MAD1L1: variants seen among roughly 807,000 people sequenced by gnomAD.
The protein encoded by MAD1L1 is mitotic arrest deficient 1 like 1, also known as mitotic spindle assembly checkpoint protein MAD1.
In MAD1L1, 95 loss-of-function variants were observed where a neutral mutation model predicts 96.9. That is an observed-to-expected ratio of 0.98 (90% CI 0.83 to 1.16). MAD1L1 has a LOEUF of 1.16. Ranked by LOEUF, MAD1L1 falls within the 50% of genes most tolerant of loss-of-function variation. MAD1L1 has a pLI of 0.00. For missense variants in MAD1L1, 1,007 were observed against 954.4 expected, an observed-to-expected ratio of 1.06 and a Z score of -0.73; for synonymous variants, 473 against 396.6, an observed-to-expected ratio of 1.19 and a Z score of -2.29.
intron 11 of MAD1L1, among the ~76,000 whole-genome samples, chr7:2,071,272 C>T (rs934408238): frequency 1.3e-5 from 2 of 152,170 alleles, no homozygotes; most frequent in Non-Finnish European, 2.9e-5. Flanking sequence ...ACTCACAGAA[C>T]GTCAGAAGGG....
intron 15 of MAD1L1, among the ~76,000 whole-genome samples, 190 bp downstream of exon 15, chr7:1,980,263 C>A (rs983533293): frequency 6.6e-6 from 1 of 152,206 alleles, no homozygotes; most frequent in Admixed American, 6.5e-5. Context: ...CACCTCCCCC[C>A]ACCCCACAGG....
intron 18 of MAD1L1, among the ~76,000 whole-genome samples, chr7:1,861,171 G>A (rs1434459600): frequency 6.6e-6 from 1 of 152,082 alleles, no homozygotes; most frequent in Non-Finnish European, 1.5e-5. Context: ...GGAGGCTGGT[G>A]ACCCCCCGGG....
rs531951043 is a variant in MAD1L1 at position 1,816,360 on chromosome 7, C to A, written c.1999-132G>T. On this transcript the variant is annotated intron_variant, in intron 18 of 18. Coordinates refer to ENST00000265854, the MANE Select transcript of MAD1L1 (RefSeq NM_001013836.2). ...CTGAGGACCTGGACAGGGGTAGATG[C>A]GTCCTCAACCCTGCCAGGCCTTATT... 183 of 794,214 alleles carry A rather than the reference C, an allele frequency of 2.3e-4. 2 individuals are homozygous for A. In the East Asian group the frequency reaches 4.7e-3, roughly 20 times the overall value. 49.2% of individuals were successfully genotyped at this position (794,214 alleles called of 1,614,324 possible).
intron 18 of MAD1L1, among the ~76,000 whole-genome samples, chr7:1,834,536 C>A (rs1016127274): frequency 6.6e-6 from 1 of 152,044 alleles, no homozygotes; most frequent in African/African-American, 2.4e-5. Flanking sequence ...ATAAAATGGA[C>A]AAACTTCTGA....
At chr7:2,085,093 G>C (rs73032323) in intron 11 of MAD1L1, among the ~76,000 whole-genome samples, 4,108 of 152,208 alleles carry the variant, frequency 0.027, 94 homozygotes, top group South Asian at 0.088. Context: ...ATTCAACGCC[G>C]GTCTTGCTCA....
chr7:2,060,451 CCGAGATAACGCTGATGT>C (rs1347994994), intron 12 of MAD1L1, among the ~76,000 whole-genome samples: 1 of 152,048 alleles, frequency 6.6e-6, no homozygotes, highest in African/African-American at 2.4e-5. Context: ...AACGCCGATG[CCGAGATAACGCTGATGT>C]CGAGATATGC....
chr7:2,189,368 T>C (rs1278215296), intron 10 of MAD1L1, among the ~76,000 whole-genome samples: 2 of 152,192 alleles, frequency 1.3e-5, no homozygotes, highest in Non-Finnish European at 2.9e-5. Flanking sequence ...TTATTCACAG[T>C]AGCTACAATG....
chr7:2,101,705 C>A (rs2128551147), intron 11 of MAD1L1, among the ~76,000 whole-genome samples: 1 of 152,222 alleles, frequency 6.6e-6, no homozygotes, highest in East Asian at 1.9e-4. Context: ...CCTCAACTTA[C>A]CAAAGTGAGC....
At chr7:2,174,815 T>C (rs1021690091) in intron 10 of MAD1L1, among the ~76,000 whole-genome samples, 2 of 152,228 alleles carry the variant, frequency 1.3e-5, no homozygotes, top group Non-Finnish European at 1.5e-5. Flanking sequence ...CTGGAAGTTT[T>C]ATCCTTGCAT....
At chr7:1,883,216 C>A (rs1407608158) in intron 18 of MAD1L1, among the ~76,000 whole-genome samples, 1 of 152,170 alleles carries the variant, frequency 6.6e-6, no homozygotes. Context: ...TAACAACAAA[C>A]CTTGTGCCAC....
chr7:2,129,962 G>A (rs553541550), intron 11 of MAD1L1, among the ~76,000 whole-genome samples: 12 of 152,324 alleles, frequency 7.9e-5, no homozygotes, highest in Non-Finnish European at 1.3e-4. Flanking sequence ...TCCTTCTGGG[G>A]CCCAGCAGAA....
chr7:2,087,055 T>C (rs539122006), intron 11 of MAD1L1, among the ~76,000 whole-genome samples: 10 of 152,292 alleles, frequency 6.6e-5, no homozygotes, highest in Non-Finnish European at 1.2e-4. Flanking sequence ...TCAAACCTCA[T>C]GGAAGCTCTT....
chr7:2,165,891 G>A (rs1007651513), intron 10 of MAD1L1, among the ~76,000 whole-genome samples: 55 of 152,312 alleles, frequency 3.6e-4, no homozygotes, highest in African/African-American at 1.2e-3. Flanking sequence ...GCAGGTCTGT[G>A]TACGCAGAAT....
intron 11 of MAD1L1, among the ~76,000 whole-genome samples, chr7:2,095,135 G>C (rs747560626): frequency 6.6e-6 from 1 of 151,908 alleles, no homozygotes; most frequent in African/African-American, 2.4e-5. Context: ...CTCCGCCTCC[G>C]GGGTTCACGC....
chr7:2,196,081 A>T (rs1791971374), intron 10 of MAD1L1, among the ~76,000 whole-genome samples: 1 of 152,080 alleles, frequency 6.6e-6, no homozygotes, highest in Non-Finnish European at 1.5e-5. Context: ...AGCTCACCAT[A>T]CTCCAGGATC....
chr7:1,900,887 G>A (rs890451999), intron 17 of MAD1L1, among the ~76,000 whole-genome samples: 1 of 152,202 alleles, frequency 6.6e-6, no homozygotes. Context: ...CCCATAGCAG[G>A]TTGGTATGAG....
intron 12 of MAD1L1, among the ~76,000 whole-genome samples, chr7:2,053,246 T>C (rs961723976): frequency 6.6e-6 from 1 of 152,110 alleles, no homozygotes; most frequent in Admixed American, 6.5e-5. Flanking sequence ...ACCGGTGAGT[T>C]TGGGGGCCGC....
At chr7:2,215,802 T>C in intron 9 of MAD1L1, 83 bp downstream of exon 9, 1 of 1,255,818 alleles carries the variant, frequency 8.0e-7, no homozygotes, top group East Asian at 2.3e-5. Context: ...GGTGAGCAGC[T>C]GGTGGGCGTG....
intron 11 of MAD1L1, among the ~76,000 whole-genome samples, chr7:2,140,665 G>C (rs920983788): frequency 6.6e-6 from 1 of 152,258 alleles, no homozygotes; most frequent in Non-Finnish European, 1.5e-5. Context: ...ACCCCAAGGA[G>C]CAACCAGGCC....
Sources: allele counts gnomAD v4.1 joint callset (sites outside exome capture counted in the v4.1 genomes callset), GRCh38; gene constraint gnomAD v4.1.1; transcripts MANE v1.5; gene names NCBI Gene and HGNC (gene_info 2026-07-23, HGNC 2026-07-21).